KIAA1549L: variants seen among roughly 807,000 people sequenced by gnomAD.
The protein encoded by KIAA1549L is KIAA1549 like, also known as UPF0606 protein KIAA1549L.
KIAA1549L carries 88 observed loss-of-function variants against 160.7 expected under a neutral mutation model. The observed-to-expected ratio is 0.55, with a 90% CI of 0.46 to 0.65. The LOEUF is 0.65. Ranked by LOEUF, KIAA1549L falls within the 30% of genes least tolerant of loss-of-function variation. The pLI is 0.00. For synonymous variants in KIAA1549L, 950 were observed against 976.7 expected (o/e 0.97, Z 0.51); for missense variants, 2,258 against 2,437.5 (o/e 0.93, Z 1.55).
Position 33,376,287 on chromosome 11 carries a change from C to A in KIAA1549L, c.-365C>A, listed in dbSNP as rs1849950738. ...CGAGCGCGCCCCGCGGCCGCCACCCCCGTTCCCGGCAGCCTCGCCCCCTAG... is the reference window on the plus strand; with the variant it reads ...CGAGCGCGCCCCGCGGCCGCCACCCACGTTCCCGGCAGCCTCGCCCCCTAG... On this transcript the variant is annotated 5_prime_UTR_variant, in exon 1 of 21. Transcript: ENST00000658780. This position sits in a 1 kb window ranked among gnomAD's most constrained non-coding sequence, Gnocchi z 5.8. Among the ~76,000 whole-genome samples the A allele has an allele frequency of 6.7e-6, 1 of 149,010 alleles. No homozygotes were observed. Among genetic ancestry groups the A allele is most frequent in the Non-Finnish European group, 1.5e-5 (1 of 66,904 alleles).
chr11:33,673,051 G>A lies in KIAA1549L; in HGVS notation c.*4897G>A, dbSNP rs1284977729. The stretch of plus-strand genomic sequence containing the variant: ...ATTGAAAGGCCTCTTGATTTCTTAG[G>A]TGAACTGTTACAGAATCCTAGCCTG... On this transcript the variant is annotated 3_prime_UTR_variant, in exon 21 of 21. Coordinates refer to ENST00000658780, the MANE Select transcript of KIAA1549L (RefSeq NM_012194.3). 6.6e-6 allele frequency: 1 copy of A among 152,200 alleles called. No individual in the cohort carries two copies. Among genetic ancestry groups the A allele is most frequent in the East Asian group, 1.9e-4 (1 of 5,194 alleles). 9.4% of individuals were successfully genotyped at this position (152,200 alleles called of 1,614,324 possible). A position where few individuals can be genotyped will look rare whatever the true frequency, so the allele number is the denominator to read the frequency against.
At chr11:33,486,416 C>G (rs1311437153) in intron 1 of KIAA1549L, among the ~76,000 whole-genome samples, 5 of 152,086 alleles carry the variant, frequency 3.3e-5, no homozygotes, top group Non-Finnish European at 5.9e-5. Flanking sequence ...TCAATTGTTT[C>G]TCTTGGTTTA....
chr11:33,394,391 T>A (rs1028773084), intron 1 of KIAA1549L, among the ~76,000 whole-genome samples: 15 of 103,198 alleles, frequency 1.5e-4, no homozygotes, highest in African/African-American at 4.7e-4. Context: ...AACTCATAAA[T>A]AATAAATAAA....
chr11:33,481,712 T>TA (rs1331500390), intron 1 of KIAA1549L, among the ~76,000 whole-genome samples: 1 of 152,222 alleles, frequency 6.6e-6, no homozygotes, highest in Non-Finnish European at 1.5e-5. Flanking sequence ...CCTCACTTTT[T>TA]AAAAAAGAAG....
At chr11:33,646,386 CAG>C (rs1213471775) in intron 17 of KIAA1549L, among the ~76,000 whole-genome samples, 7 of 152,214 alleles carry the variant, frequency 4.6e-5, no homozygotes, top group African/African-American at 1.7e-4. Context: ...AAAGGCATCT[CAG>C]AGCCACATGC....
At chr11:33,587,945 A>G (rs11032305) in intron 11 of KIAA1549L, among the ~76,000 whole-genome samples, 30,691 of 152,120 alleles carry the variant, frequency 0.2, 3,562 homozygotes, top group East Asian at 0.37. Flanking sequence ...GCAGAAGGAA[A>G]GGAAGGGCTG....
chr11:33,618,386 C>T (rs1850875530), intron 15 of KIAA1549L, 147 bp from the exon 16 acceptor site: 2 of 605,374 alleles, frequency 3.3e-6, no homozygotes, highest in Non-Finnish European at 5.4e-6. Context: ...TTCTACAGCC[C>T]CTTATATCCT....
chr11:33,584,793 T>C (rs1442961369), intron 11 of KIAA1549L, among the ~76,000 whole-genome samples: 1 of 152,160 alleles, frequency 6.6e-6, no homozygotes, highest in African/African-American at 2.4e-5. Flanking sequence ...TCTTAGAGCA[T>C]TTTCGCCATT....
chr11:33,385,560 A>G (rs1850157417), intron 1 of KIAA1549L, among the ~76,000 whole-genome samples: 1 of 152,230 alleles, frequency 6.6e-6, no homozygotes, highest in Non-Finnish European at 1.5e-5. Flanking sequence ...GTTCTGTAGT[A>G]AGTCTTGAAG....
chr11:33,481,338 G>A (rs746976398), intron 1 of KIAA1549L, among the ~76,000 whole-genome samples: 2 of 151,894 alleles, frequency 1.3e-5, no homozygotes, highest in Non-Finnish European at 2.9e-5. Flanking sequence ...TTTCACTTTT[G>A]TTAAACTTTT....
intron 17 of KIAA1549L, among the ~76,000 whole-genome samples, chr11:33,649,105 T>G (rs1851804917): frequency 6.6e-6 from 1 of 152,182 alleles, no homozygotes; most frequent in Admixed American, 6.5e-5. Context: ...AACCTAGAGC[T>G]GCCTAACTTC....
chr11:33,622,161 G>A (rs1273498334), intron 16 of KIAA1549L, among the ~76,000 whole-genome samples: 1 of 152,116 alleles, frequency 6.6e-6, no homozygotes, highest in Non-Finnish European at 1.5e-5. Flanking sequence ...TTGGGGAAAT[G>A]TTTGAAACCA....
At chr11:33,456,894 G>A (rs1851835585) in intron 1 of KIAA1549L, among the ~76,000 whole-genome samples, 1 of 152,222 alleles carries the variant, frequency 6.6e-6, no homozygotes, top group Admixed American at 6.5e-5. Context: ...CCTGGGAACA[G>A]GCAACAGGGA....
intron 11 of KIAA1549L, among the ~76,000 whole-genome samples, chr11:33,586,371 A>C (rs1421307986): frequency 6.6e-6 from 1 of 152,182 alleles, no homozygotes; most frequent in Non-Finnish European, 1.5e-5. Flanking sequence ...GAGACAAGGT[A>C]CCATGGACTA....
At chr11:33,661,888 AAAAAAAAAAAAAAAAAAAG>A (rs1184207051) in intron 20 of KIAA1549L, among the ~76,000 whole-genome samples, 1 of 148,578 alleles carries the variant, frequency 6.7e-6, no homozygotes, top group Non-Finnish European at 1.5e-5. Flanking sequence ...TCAAAAAAAA[AAAAAAAAAAAAAAAAAAAG>A]AAACCCAAGA....
intron 4 of KIAA1549L, among the ~76,000 whole-genome samples, chr11:33,549,157 T>G (rs1341935401): frequency 6.6e-6 from 1 of 152,188 alleles, no homozygotes. Flanking sequence ...ATTTTTTTTT[T>G]TATGGATTCT....
chr11:33,587,074 C>A (rs761050122), intron 11 of KIAA1549L, among the ~76,000 whole-genome samples: 1 of 152,126 alleles, frequency 6.6e-6, no homozygotes, highest in Non-Finnish European at 1.5e-5. Context: ...GGAGATATAA[C>A]AATAATCGTA....
chr11:33,439,787 T>C (rs1002845400), intron 1 of KIAA1549L, among the ~76,000 whole-genome samples: 2 of 152,122 alleles, frequency 1.3e-5, no homozygotes, highest in African/African-American at 4.8e-5. Context: ...ACCTCAAAAC[T>C]TATCTGATGT....
At chr11:33,634,373 C>T (rs1421481828) in intron 16 of KIAA1549L, among the ~76,000 whole-genome samples, 1 of 152,154 alleles carries the variant, frequency 6.6e-6, no homozygotes, top group Non-Finnish European at 1.5e-5. Context: ...GTGTCACACA[C>T]CAAAGAGAGG....
Sources: gnomAD v4.1 joint callset for allele counts (sites outside exome capture counted in the v4.1 genomes callset) on GRCh38, gnomAD v4.1.1 for gene constraint, Gnocchi (gnomAD v3.1) non-coding constraint, MANE v1.5 for transcripts, NCBI Gene and HGNC (gene_info 2026-07-23, HGNC 2026-07-21) for gene names.